CCT6A: variants seen among roughly 807,000 people sequenced by gnomAD.
CCT6A encodes T-complex protein 1 subunit zeta.
Under a neutral mutation model 58.6 loss-of-function variants are expected in CCT6A, and 6 were observed. The observed-to-expected ratio is 0.10, with a 90% CI of 0.06 to 0.20. CCT6A has a LOEUF of 0.20. Among genes scored for constraint, CCT6A ranks in the 10% least tolerant of loss-of-function variants. The pLI, the probability that CCT6A is intolerant of heterozygous loss-of-function variation, is 1.00. For synonymous variants in CCT6A, 245 were observed against 227.8 expected, an observed-to-expected ratio of 1.08 and a Z score of -0.68; for missense variants, 516 against 648.8, an observed-to-expected ratio of 0.80 and a Z score of 2.22.
At position 56,063,035 on chromosome 7, in the gene CCT6A, C is replaced by T; in HGVS notation, c.1546C>T (p.Leu516Phe). Residue 516 changes from leucine to phenylalanine, a missense_variant, in exon 14 of 14, where the codon CTC becomes TTC. Around this residue, in one of 3 missense-constraint regions of CCT6A, gnomAD observed 315 missense variants for 389.4 expected, o/e 0.81. Transcript: ENST00000275603. ...HSCTVIATNI[L>F]LVDEIMRAGM... ...CAGCACTGTGATTGCCACCAACATT[C>T]TCTTGGTTGATGAGATCATGCGAGC... The T allele has an allele frequency of 6.2e-7, 1 of 1,612,262 alleles. No homozygotes were observed. The highest frequency in any genetic ancestry group is 8.5e-7 in the Non-Finnish European group (1 of 1,178,292).
chr7:56,058,228 G>T (rs1794356912), intron 6 of CCT6A, 125 bp downstream of exon 6: 2 of 863,360 alleles, frequency 2.3e-6, no homozygotes, highest in Non-Finnish European at 3.7e-6. Flanking sequence ...GGGAGCTATA[G>T]GAAACAGTCT....
chr7:56,055,222 C>T (rs531933172), intron 3 of CCT6A: 10 of 245,628 alleles, frequency 4.1e-5, no homozygotes, highest in South Asian at 1.2e-4. Flanking sequence ...TGTGGTGAGT[C>T]GAGATTGTGC....
intron 5 of CCT6A, among the ~76,000 whole-genome samples, chr7:56,057,724 C>G (rs1385976435): frequency 6.6e-6 from 1 of 152,012 alleles, no homozygotes; most frequent in African/African-American, 2.4e-5. Context: ...ACTAAAAATA[C>G]AAAAGAATTA....
chr7:56,052,317 C>A (rs1253213600), intron 1 of CCT6A, 105 bp from the exon 2 acceptor site: 20 of 981,060 alleles, frequency 2.0e-5, no homozygotes, highest in Non-Finnish European at 3.1e-5. Flanking sequence ...ATAACTAGCC[C>A]CACATCCCTG....
intron 2 of CCT6A, 126 bp downstream of exon 2, chr7:56,052,611 T>C (rs1406037238): frequency 6.5e-6 from 5 of 775,014 alleles, no homozygotes; most frequent in Non-Finnish European, 1.1e-5. Context: ...TAATCAGTAA[T>C]AGTCCTGAGT....
intron 6 of CCT6A, 34 bp from the exon 7 acceptor site, chr7:56,058,328 C>G (rs1364616125): frequency 2.0e-6 from 3 of 1,490,940 alleles, no homozygotes; most frequent in African/African-American, 1.4e-5. Flanking sequence ...CTTAATGTTT[C>G]CCTGCTTTCT....
At chr7:56,056,228 A>G (rs534055511) in intron 4 of CCT6A, 83 bp from the exon 5 acceptor site, 4 of 786,288 alleles carry the variant, frequency 5.1e-6, no homozygotes, top group Non-Finnish European at 9.2e-6. Context: ...GTAAAATGAA[A>G]CTGCCTACTT....
intron 8 of CCT6A, 177 bp downstream of exon 8, chr7:56,058,879 A>G (rs759596769): frequency 1.5e-4 from 73 of 481,430 alleles, no homozygotes; most frequent in Non-Finnish European, 2.7e-4. Context: ...CACAAACTGA[A>G]ACTGTATACC....
At chr7:56,052,540 T>A in intron 2 of CCT6A, 55 bp downstream of exon 2, 1 of 1,441,582 alleles carries the variant, frequency 6.9e-7, no homozygotes, top group Non-Finnish European at 9.8e-7. Context: ...TAGAATGTTT[T>A]CTTTGTAGAA....
intron 5 of CCT6A, among the ~76,000 whole-genome samples, chr7:56,057,239 A>G (rs184884029): frequency 6.6e-6 from 1 of 152,230 alleles, no homozygotes; most frequent in Non-Finnish European, 1.5e-5. Context: ...AAAGTGAACA[A>G]CATCAGTCAT....
intron 11 of CCT6A, 114 bp from the exon 12 acceptor site, chr7:56,061,633 C>T (rs1460583041): frequency 9.8e-6 from 6 of 610,882 alleles, no homozygotes; most frequent in Non-Finnish European, 5.6e-6. Context: ...AGGCGTGAGC[C>T]ACTGCACCAG....
chr7:56,061,228 ATT>A (rs1352982884), intron 11 of CCT6A, among the ~76,000 whole-genome samples: 1 of 152,102 alleles, frequency 6.6e-6, no homozygotes, highest in African/African-American at 2.4e-5. Flanking sequence ...AACTGATATC[ATT>A]GTTTTCTATT....
chr7:56,052,047 C>T (rs1414841633), intron 1 of CCT6A, 62 bp downstream of exon 1: 8 of 1,311,628 alleles, frequency 6.1e-6, no homozygotes, highest in Non-Finnish European at 6.8e-6. Flanking sequence ...TCCTGGCGGG[C>T]CCGGGACCGC....
Position 56,054,463 on chromosome 7 carries a change from T to C in CCT6A, c.296T>C (p.Ile99Thr). The C allele has an allele frequency of 1.2e-6, 2 of 1,613,558 alleles. No individual in the cohort carries two copies. The highest frequency in any genetic ancestry group is 2.2e-5 in the South Asian group (2 of 91,058). The change falls in exon 3 of 14, where the codon ATT becomes ACT. Residue 99 changes from isoleucine to threonine, a missense_variant. Ile to Thr is a moderately conservative substitution (Grantham distance 89). Transcript: ENST00000275603. ...GGTACGACTTCTAATGTCCTAATCA[T>C]TGGAGAGCTGCTGAAACAGGCGGAT... is the stretch of plus-strand genomic sequence containing the variant. ...GDGTTSNVLI[I>T]GELLKQADLY...
chr7:56,053,183 A>T (rs1341424048), intron 2 of CCT6A, among the ~76,000 whole-genome samples: 2 of 152,284 alleles, frequency 1.3e-5, no homozygotes, highest in African/African-American at 2.4e-5. Context: ...AGTCTTAGGG[A>T]TGGAGAATAT....
chr7:56,055,773 T>G lies in CCT6A; in HGVS notation c.486T>G (p.Ala162=), dbSNP rs1794291657. Residue 162 remains alanine (A), a synonymous_variant, in exon 4 of 14, where the codon GCT becomes GCG. Transcript: ENST00000275603. The stretch of plus-strand genomic sequence containing the variant: ...CATCTCTTCGTACTAAAGTTCATGC[T>G]GAACTTGCAGATGTCTTAACAGAGG... ...ARTSLRTKVH[A]ELADVLTEAV... is the part of the protein sequence containing the mutation. 6.2e-7 allele frequency: 1 copy of G among 1,613,708 alleles called. No homozygotes were observed. Among genetic ancestry groups the G allele is most frequent in the East Asian group, 2.2e-5 (1 of 44,852 alleles).
rs201823840 is a variant in CCT6A at position 56,058,456 on chromosome 7, A to T, written c.820A>T (p.Ile274Leu). 6.2e-7 allele frequency: 1 copy of T among 1,605,866 alleles called. No individual in the cohort carries two copies. Among genetic ancestry groups the T allele is most frequent in the Non-Finnish European group, 8.5e-7 (1 of 1,177,072 alleles). The change falls in exon 7 of 14, where the codon ATA (isoleucine) becomes TTA (leucine). Residue 274 changes from isoleucine (I) to leucine (L), a missense_variant. Coordinates refer to ENST00000275603, the MANE Select transcript of CCT6A (RefSeq NM_001762.4). ...RKFIEDRVKK[I>L]IELKRKVCGD... Reference sequence around the variant, plus strand: ...ATTCATTGAAGATAGGGTTAAAAAAATAATAGAACTGAAAAGGAAAGTCTG... The same window carrying T: ...ATTCATTGAAGATAGGGTTAAAAAATTAATAGAACTGAAAAGGAAAGTCTG...
chr7:56,061,668 C>CTTTTTTTTTT (rs71015174), intron 11 of CCT6A, 79 bp from the exon 12 acceptor site: 19 of 312,692 alleles, frequency 6.1e-5, no homozygotes, highest in African/African-American at 2.3e-4. Context: ...TTTCTTTTTT[C>CTTTTTTTTTT]TTTTTTTTTT....
intron 11 of CCT6A, 78 bp downstream of exon 11, chr7:56,061,018 A>G (rs1399013861): frequency 6.8e-6 from 10 of 1,472,130 alleles, no homozygotes; most frequent in Non-Finnish European, 9.1e-6. Context: ...ATTTATTCAT[A>G]AAGTGGATTT....
Sources: allele counts gnomAD v4.1 joint callset (sites outside exome capture counted in the v4.1 genomes callset), GRCh38; gene constraint gnomAD v4.1.1; regional missense constraint gnomAD v4.1.1; transcripts MANE v1.5; gene names NCBI Gene and HGNC (gene_info 2026-07-23, HGNC 2026-07-21).